The following VPS13A variants were observed in gnomAD, a reference collection of about 807,000 sequenced individuals.
VPS13A encodes intermembrane lipid transfer protein VPS13A.
Under a neutral mutation model 390.9 loss-of-function variants are expected in VPS13A, and 264 were observed. The ratio of observed to expected loss-of-function variants is 0.68; its 90% CI spans 0.61 to 0.75. The LOEUF (loss-of-function observed/expected upper bound fraction) is 0.75, where lower values mean the gene tolerates loss of function less well. Among genes scored for constraint, VPS13A ranks in the 30% least tolerant of loss-of-function variants. The pLI is 0.00. For missense variants in VPS13A, 3,409 were observed against 3,733.9 expected, an observed-to-expected ratio of 0.91 and a Z score of 2.27; for synonymous variants, 1,231 against 1,227.1, an observed-to-expected ratio of 1.00 and a Z score of -0.07.
chr9:77,290,989 A>G (rs1827618507), intron 31 of VPS13A, among the ~76,000 whole-genome samples: 1 of 152,042 alleles, frequency 6.6e-6, no homozygotes, highest in African/African-American at 2.4e-5. Flanking sequence ...AGGGCATCTC[A>G]TAATTATTGA....
At position 77,177,751 on chromosome 9, in the gene VPS13A, G is replaced by A. The variant is rs1823721606; in HGVS notation, c.47G>A (p.Gly16Glu). 1 of 1,613,606 alleles carries A rather than the reference G, an allele frequency of 6.2e-7. No homozygotes were observed. Among genetic ancestry groups the A allele is most frequent in the Admixed American group, 1.7e-5 (1 of 59,994 alleles). The change falls in exon 1 of 72, where the codon GGG becomes GAG. Residue 16 changes from glycine (G) to glutamate (E), a missense_variant. Physicochemically the swap from Gly to Glu is moderately conservative, Grantham distance 98 (BLOSUM62 -2). Around this residue, in one of 5 missense-constraint regions of VPS13A, gnomAD observed 2,717 missense variants for 2,917.4 expected, o/e 0.93. Transcript: ENST00000360280. ...GTGGACGTGTTGAACCGGTTCTTGG[G>A]GGACTATGTGGTGGACTTGGACACG... is the stretch of plus-strand genomic sequence containing the variant. Reference protein sequence around the residue: ...VVVDVLNRFLGDYVVDLDTSQ... With the variant: ...VVVDVLNRFLEDYVVDLDTSQ...
chr9:77,414,797 T>C (rs566747128), intron 71 of VPS13A, among the ~76,000 whole-genome samples: 3 of 151,496 alleles, frequency 2.0e-5, no homozygotes, highest in Admixed American at 1.3e-4. Context: ...ACATTTCTCC[T>C]ATACTTGATC....
chr9:77,399,181 T>TAAAAAAAAAAAAAAAAAA (rs1223344360), intron 68 of VPS13A, among the ~76,000 whole-genome samples: 40 of 34,934 alleles, frequency 1.1e-3, no homozygotes, highest in Admixed American at 2.1e-3. Context: ...AAAAAAAAAA[T>TAAAAAAAAAAAAAAAAAA]AAAAAAAAAA....
At chr9:77,358,484 A>G (rs747172012) in intron 57 of VPS13A, 46 bp downstream of exon 57, 5 of 1,460,958 alleles carry the variant, frequency 3.4e-6, no homozygotes, top group South Asian at 2.3e-5. Flanking sequence ...TGTATTAGCT[A>G]TTTGATTTAC....
In VPS13A at chr9:77,421,217, C is replaced by T. The variant is rs779398291; in HGVS notation, c.*5211C>T. The T allele has an allele frequency of 3.9e-5, 6 of 152,284 alleles. No individual in the cohort carries two copies. Among genetic ancestry groups the T allele is most frequent in the South Asian group, 4.1e-4 (2 of 4,828 alleles). 9.4% of individuals were successfully genotyped at this position (152,284 alleles called of 1,614,324 possible). On this transcript the variant is annotated 3_prime_UTR_variant, in exon 72 of 72. Transcript: ENST00000360280. Reference sequence around the variant, plus strand: ...ATTTTAAAAATATCTATTTCTGCATCGCTGCAGGATTTCCTACACTTTTCT... The same window carrying T: ...ATTTTAAAAATATCTATTTCTGCATTGCTGCAGGATTTCCTACACTTTTCT...
intron 46 of VPS13A, among the ~76,000 whole-genome samples, chr9:77,335,130 G>A (rs577262277): frequency 2.2e-4 from 34 of 152,306 alleles, no homozygotes; most frequent in African/African-American, 6.3e-4. Context: ...ATAAAGGACA[G>A]TGTTGTCTCA....
At position 77,196,722 on chromosome 9, in the gene VPS13A, C is replaced by T. The variant is rs151033907; in HGVS notation, c.101-3223C>T. Among the ~76,000 whole-genome samples, 1,281 of 151,356 alleles carry T rather than the reference C, an allele frequency of 8.5e-3. 10 individuals are homozygous for T. Among genetic ancestry groups the T allele is most frequent in the South Asian group, 0.014 (66 of 4,796 alleles). On this transcript the variant is annotated intron_variant, in intron 1 of 71. Transcript: ENST00000360280. ...TAGTATTTCACTGTGTATATATATA[C>T]CACATTTTCTTTAGCAGTGCATCTG...
intron 23 of VPS13A, 127 bp from the exon 24 acceptor site, chr9:77,273,153 C>A (rs1826444697): frequency 2.9e-6 from 2 of 699,982 alleles, no homozygotes; most frequent in Non-Finnish European, 4.8e-6. Context: ...ACCTGATTAT[C>A]TTCTCAGTTA....
intron 17 of VPS13A, among the ~76,000 whole-genome samples, chr9:77,235,527 G>C (rs574561073): frequency 1.3e-5 from 2 of 152,134 alleles, no homozygotes; most frequent in Non-Finnish European, 2.9e-5. Context: ...GTGAGTCTCT[G>C]AGTTTATCCT....
At chr9:77,291,865 T>C (rs1182165193) in intron 31 of VPS13A, among the ~76,000 whole-genome samples, 1 of 152,232 alleles carries the variant, frequency 6.6e-6, no homozygotes, top group Non-Finnish European at 1.5e-5. Flanking sequence ...TCATGGCATC[T>C]GATTGATATC....
In VPS13A at chr9:77,318,463, A is replaced by G. The variant is rs200250899; in HGVS notation, c.5185A>G (p.Ile1729Val). The part of the protein sequence containing the change: ...GEMIKMNIDS[I>V]FIVLEAGIGH... The stretch of plus-strand genomic sequence containing the variant: ...GATGATAAAAATGAACATTGATTCT[A>G]TTTTTATAGTTCTTGAGGCTGGAAT... The change falls in exon 41 of 72, where the codon ATT becomes GTT. Residue 1729 changes from isoleucine (I) to valine (V), a missense_variant. By Grantham distance (29) the Ile-to-Val change is conservative. Around this residue, in one of 5 missense-constraint regions of VPS13A, gnomAD observed 2,717 missense variants for 2,917.4 expected, o/e 0.93. Transcript: ENST00000360280. 16 of 1,613,794 alleles carry G rather than the reference A, an allele frequency of 9.9e-6. No individual in the cohort carries two copies. The highest frequency in any genetic ancestry group is 2.7e-5 in the African/African-American group (2 of 74,918).
chr9:77,294,112 G>T (rs561831585), intron 32 of VPS13A, among the ~76,000 whole-genome samples: 1 of 151,932 alleles, frequency 6.6e-6, no homozygotes, highest in East Asian at 1.9e-4. Context: ...ATAGAGATGG[G>T]GTCTTACTCT....
chr9:77,179,569 C>G lies in VPS13A; in HGVS notation c.100+1765C>G, dbSNP rs1823878514. On this transcript the variant is annotated intron_variant, in intron 1 of 71. Coordinates refer to ENST00000360280, the MANE Select transcript of VPS13A (RefSeq NM_033305.3). Reference sequence around the variant, plus strand: ...TCTGTTTGCTGGTTGAAGAATATTTCAGTTTTTGGAGGTTATAAATAAAGC... The same window carrying G: ...TCTGTTTGCTGGTTGAAGAATATTTGAGTTTTTGGAGGTTATAAATAAAGC... Among the ~76,000 whole-genome samples, 3 of 152,064 alleles carry G rather than the reference C, an allele frequency of 2.0e-5. No homozygotes were observed. The South Asian group carries it at 6.2e-4, about 32-fold the overall frequency.
intron 34 of VPS13A, among the ~76,000 whole-genome samples, chr9:77,303,265 A>G (rs1782717977): frequency 6.6e-6 from 1 of 152,210 alleles, no homozygotes. Context: ...TAAAGTGGCA[A>G]GGAAGCAATG....
chr9:77,248,853 T>C (rs909456199), intron 20 of VPS13A, among the ~76,000 whole-genome samples: 3 of 152,168 alleles, frequency 2.0e-5, no homozygotes, highest in African/African-American at 7.2e-5. Flanking sequence ...TGCCTCAGCC[T>C]CCCAAGTAGC....
chr9:77,315,440 A>G lies in VPS13A; in HGVS notation c.4600A>G (p.Ser1534Gly). The change falls in exon 38 of 72, where the codon AGT becomes GGT. Residue 1534 changes from serine to glycine, a missense_variant. Coordinates refer to ENST00000360280, the MANE Select transcript of VPS13A (RefSeq NM_033305.3). ...CACCACAGGCACTGCTGTAGAAACC[A>G]GTGTGCAAACATGGACTGCTAAGGA... is the stretch of plus-strand genomic sequence containing the variant. ...AYTTGTAVETSVQTWTAKEEV... is the reference protein window; with the variant it reads ...AYTTGTAVETGVQTWTAKEEV... The G allele has an allele frequency of 6.2e-7, 1 of 1,613,988 alleles. No individual in the cohort carries two copies. Among genetic ancestry groups the G allele is most frequent in the Non-Finnish European group, 8.5e-7 (1 of 1,179,866 alleles).
At chr9:77,388,195 C>G (rs1346551920) in intron 68 of VPS13A, among the ~76,000 whole-genome samples, 1 of 152,052 alleles carries the variant, frequency 6.6e-6, no homozygotes, top group Non-Finnish European at 1.5e-5. Flanking sequence ...ATTCCAGCAC[C>G]TTTGGAATAA....
intron 61 of VPS13A, 104 bp from the exon 62 acceptor site, chr9:77,367,951 A>C (rs1563964897): frequency 9.3e-7 from 1 of 1,074,754 alleles, no homozygotes; most frequent in East Asian, 2.6e-5. Context: ...ACTAGAAGGA[A>C]AGGTTTGGAG....
chr9:77,324,015 A>G (rs965018421), intron 45 of VPS13A, among the ~76,000 whole-genome samples: 1 of 151,710 alleles, frequency 6.6e-6, no homozygotes, highest in African/African-American at 2.4e-5. Context: ...AGAGGATTTT[A>G]GGTCCTTCTC....
Sources: gnomAD v4.1 joint callset for allele counts (sites outside exome capture counted in the v4.1 genomes callset) on GRCh38, gnomAD v4.1.1 for gene constraint, gnomAD v4.1.1 regional missense constraint, MANE v1.5 for transcripts, NCBI Gene and HGNC (gene_info 2026-07-23, HGNC 2026-07-21) for gene names.